Variants in QSOX2 observed in about 807,000 individuals in gnomAD.
QSOX2 encodes the protein quiescin sulfhydryl oxidase 2.
In QSOX2, 46 loss-of-function variants were observed where a neutral mutation model predicts 61.7. The ratio of observed to expected loss-of-function variants is 0.75; its 90% CI spans 0.59 to 0.95. The LOEUF (loss-of-function observed/expected upper bound fraction) is 0.95. Ranked by LOEUF, QSOX2 falls within the 40% of genes least tolerant of loss-of-function variation. The pLI, the probability that QSOX2 is intolerant of heterozygous loss-of-function variation, is 0.00. For missense variants in QSOX2, 879 were observed against 918.9 expected (o/e 0.96, Z 0.56); for synonymous variants, 383 against 388.4 (o/e 0.99, Z 0.16).
intron 9 of QSOX2, among the ~76,000 whole-genome samples, chr9:136,215,807 C>T (rs761504641): frequency 2.6e-5 from 4 of 152,200 alleles, no homozygotes; most frequent in Admixed American, 2.0e-4. Context: ...GGTTTGGTTT[C>T]GTGTCTCATC....
At chr9:136,226,713 C>T in intron 2 of QSOX2, 61 bp downstream of exon 2, 9 of 1,366,058 alleles carry the variant, frequency 6.6e-6, no homozygotes, top group Non-Finnish European at 7.3e-6. Flanking sequence ...CCGCGTGATG[C>T]TCACCTGGAA....
chr9:136,238,924 A>G (rs1014253016), intron 1 of QSOX2, among the ~76,000 whole-genome samples: 2 of 152,220 alleles, frequency 1.3e-5, no homozygotes, highest in Non-Finnish European at 2.9e-5. Context: ...ACGCTGAGGC[A>G]GGAGGGTCCC....
At chr9:136,234,888 G>A (rs556966160) in intron 1 of QSOX2, among the ~76,000 whole-genome samples, 1 of 99,398 alleles carries the variant, frequency 1.0e-5, no homozygotes, top group Admixed American at 1.2e-4. Flanking sequence ...GCGACCACAG[G>A]CGAGTCTTGC....
Position 136,208,522 on chromosome 9 carries a change from A to G in QSOX2, c.*206T>C. 3 of 583,490 alleles carry G rather than the reference A, an allele frequency of 5.1e-6. No homozygotes were observed. The highest frequency in any genetic ancestry group is 8.7e-6 in the Non-Finnish European group (3 of 343,024). The allele number at this position is 583,490 out of a possible 1,614,324, so 36.1% of individuals were successfully genotyped here. A position where few individuals can be genotyped will look rare whatever the true frequency, so the allele number is the denominator to read the frequency against. Reference sequence around the variant, plus strand: ...CAGACTTGAGTACGCCAGGAATGCAAATATCCCCACAAAATTACCCCGTGT... The same window carrying G: ...CAGACTTGAGTACGCCAGGAATGCAGATATCCCCACAAAATTACCCCGTGT... On this transcript the variant is annotated 3_prime_UTR_variant, in exon 12 of 12. Transcript: ENST00000358701.
At chr9:136,233,226 A>G (rs1425612447) in intron 1 of QSOX2, among the ~76,000 whole-genome samples, 1 of 152,248 alleles carries the variant, frequency 6.6e-6, no homozygotes, top group African/African-American at 2.4e-5. Flanking sequence ...AGGCCTGGGC[A>G]ATGAGAAACA....
At chr9:136,240,866 C>T (rs1830428111) in intron 1 of QSOX2, among the ~76,000 whole-genome samples, 1 of 152,218 alleles carries the variant, frequency 6.6e-6, no homozygotes, top group Non-Finnish European at 1.5e-5. Flanking sequence ...GACAGCAATT[C>T]CAATGCTGTT....
At position 136,208,792 on chromosome 9, in the gene QSOX2, A is replaced by G. The variant is rs754130124; in HGVS notation, c.2033T>C (p.Met678Thr). Residue 678 changes from methionine (M) to threonine (T), a missense_variant, in exon 12 of 12, where the codon ATG becomes ACG. Physicochemically the swap from Met to Thr is moderately conservative, Grantham distance 81. Transcript: ENST00000358701. ...GGACCTCACCCGGAAGAAGAAGTAC[A>G]TCACCATGAGGAACAGGGATGAAGC... ...YVASSLFLMV[M>T]YFFFRVRSRR... 1 of 1,614,006 alleles carries G rather than the reference A, an allele frequency of 6.2e-7. No homozygotes were observed. Among genetic ancestry groups the G allele is most frequent in the Admixed American group, 1.7e-5 (1 of 60,026 alleles).
At chr9:136,235,610 C>T (rs1222386145) in intron 1 of QSOX2, among the ~76,000 whole-genome samples, 1 of 152,236 alleles carries the variant, frequency 6.6e-6, no homozygotes, top group African/African-American at 2.4e-5. Flanking sequence ...CTCATAACCA[C>T]CACGACGTCT....
In QSOX2 at chr9:136,219,168, T is replaced by C. The variant is rs942563886; in HGVS notation, c.822-4A>G. ...GAAGGCCCGCAGAGGCTTCACGCTGTGAGAGAGGGGAGGGCAAAGGTGAGA... is the reference window on the plus strand; with the variant it reads ...GAAGGCCCGCAGAGGCTTCACGCTGCGAGAGAGGGGAGGGCAAAGGTGAGA... On this transcript the variant is annotated splice_polypyrimidine_tract_variant and splice_region_variant and intron_variant, in intron 6 of 11. Coordinates refer to ENST00000358701, the MANE Select transcript of QSOX2 (RefSeq NM_181701.4). 2 of 1,612,380 alleles carry C rather than the reference T, an allele frequency of 1.2e-6. No individual in the cohort carries two copies. The highest frequency in any genetic ancestry group is 1.7e-6 in the Non-Finnish European group (2 of 1,179,202).
chr9:136,244,306 A>C (rs1178503220), intron 1 of QSOX2, among the ~76,000 whole-genome samples: 1 of 152,222 alleles, frequency 6.6e-6, no homozygotes, highest in Non-Finnish European at 1.5e-5. Flanking sequence ...GACATAAGAA[A>C]ACATGAGATC....
At position 136,208,093 on chromosome 9, in the gene QSOX2, G is replaced by C. The variant is rs1256031528; in HGVS notation, c.*635C>G. 6.6e-6 allele frequency: 1 copy of C among 152,046 alleles called. No homozygotes were observed. Among genetic ancestry groups the C allele is most frequent in the Non-Finnish European group, 1.5e-5 (1 of 68,036 alleles). 9.4% of individuals were successfully genotyped at this position (152,046 alleles called of 1,614,324 possible). On this transcript the variant is annotated 3_prime_UTR_variant, in exon 12 of 12. Coordinates refer to ENST00000358701, the MANE Select transcript of QSOX2 (RefSeq NM_181701.4). Reference sequence around the variant, plus strand: ...CCACGTCTGGTGTCGAACACCCGGAGGAACAAGGAGAGCCCTCAGGAACCT... The same window carrying C: ...CCACGTCTGGTGTCGAACACCCGGACGAACAAGGAGAGCCCTCAGGAACCT...
At chr9:136,232,354 A>G (rs1286905269) in intron 1 of QSOX2, among the ~76,000 whole-genome samples, 1 of 152,186 alleles carries the variant, frequency 6.6e-6, no homozygotes, top group Non-Finnish European at 1.5e-5. Flanking sequence ...GTGTCCACTT[A>G]AATACGCACA....
chr9:136,216,506 G>A lies in QSOX2; in HGVS notation c.1209+94C>T, dbSNP rs766890618. 964 of 1,532,084 alleles carry A rather than the reference G, an allele frequency of 6.3e-4. 1 individual carries two copies. Among genetic ancestry groups the A allele is most frequent in the Non-Finnish European group, 5.9e-4 (659 of 1,124,824 alleles). 94.9% of individuals were successfully genotyped at this position (1,532,084 alleles called of 1,614,324 possible). The stretch of plus-strand genomic sequence containing the variant: ...GCTCCCCTTCCTCACAGCGGAGCCC[G>A]GGCCCCGAGCAGGGAGATGCACCAG... On this transcript the variant is annotated intron_variant, in intron 9 of 11. Transcript: ENST00000358701.
At chr9:136,213,659 G>C (rs1457742522) in intron 10 of QSOX2, among the ~76,000 whole-genome samples, 1 of 150,318 alleles carries the variant, frequency 6.7e-6, no homozygotes, top group Admixed American at 6.7e-5. Context: ...CCCCCATCCC[G>C]GGACACTCTC....
intron 1 of QSOX2, among the ~76,000 whole-genome samples, chr9:136,239,860 G>C (rs949248057): frequency 6.6e-6 from 1 of 152,254 alleles, no homozygotes; most frequent in Admixed American, 6.5e-5. Flanking sequence ...CAGGAGTACC[G>C]GCAAGGACTC....
At chr9:136,226,669 C>T (rs72773794) in intron 2 of QSOX2, 105 bp downstream of exon 2, 30,512 of 895,964 alleles carry the variant, frequency 0.034, 712 homozygotes, top group Non-Finnish European at 0.046. Flanking sequence ...AAAACACAGG[C>T]ACTATGATGT....
chr9:136,207,509 ATTTG>A lies in QSOX2; in HGVS notation c.*1215_*1218del, dbSNP rs1440448751. 1 of 152,336 alleles carries A rather than the reference ATTTG, an allele frequency of 6.6e-6. No individual in the cohort carries two copies. Among genetic ancestry groups the A allele is most frequent in the Non-Finnish European group, 1.5e-5 (1 of 68,026 alleles). The allele number at this position is 152,336 out of a possible 1,614,324, so 9.4% of individuals were successfully genotyped here. ...ATATAAATGTTCCCAGAAATAGTGTATTTGTTTGTTTACATCTTCAGAGGCAACG... is the reference window on the plus strand; with the variant it reads ...ATATAAATGTTCCCAGAAATAGTGTATTTGTTTACATCTTCAGAGGCAACG... On this transcript the variant is annotated 3_prime_UTR_variant, in exon 12 of 12. Coordinates refer to ENST00000358701, the MANE Select transcript of QSOX2 (RefSeq NM_181701.4).
intron 1 of QSOX2, among the ~76,000 whole-genome samples, chr9:136,237,461 G>T (rs1188583512): frequency 9.5e-6 from 1 of 104,790 alleles, no homozygotes; most frequent in Non-Finnish European, 2.1e-5. Context: ...AGCCCATCCT[G>T]TGCCGGCGAC....
At chr9:136,214,830 ACTTATT>A (rs1414576401) in intron 10 of QSOX2, among the ~76,000 whole-genome samples, 2 of 152,320 alleles carry the variant, frequency 1.3e-5, no homozygotes, top group South Asian at 2.1e-4. Flanking sequence ...AACAGATTTC[ACTTATT>A]CTGTCTTTTT....
Sources: allele counts gnomAD v4.1 joint callset (sites outside exome capture counted in the v4.1 genomes callset), GRCh38; gene constraint gnomAD v4.1.1; transcripts MANE v1.5; gene names NCBI Gene and HGNC (gene_info 2026-07-23, HGNC 2026-07-21).